Variants in SEPTIN10 observed in about 807,000 individuals in gnomAD.
SEPTIN10 encodes septin 10, also known as septin-10.
Under a neutral mutation model 54.8 loss-of-function variants are expected in SEPTIN10, and 66 were observed. The ratio of observed to expected loss-of-function variants is 1.21; its 90% CI spans 0.99 to 1.48. The LOEUF is 1.48. Ranked by LOEUF, SEPTIN10 falls within the 40% of genes most tolerant of loss-of-function variation. The pLI, the probability that SEPTIN10 is intolerant of heterozygous loss-of-function variation, is 0.00. For synonymous variants in SEPTIN10, 161 were observed against 181.0 expected (o/e 0.89, Z 0.89); for missense variants, 620 against 545.6 (o/e 1.14, Z -1.36).
intron 4 of SEPTIN10, among the ~76,000 whole-genome samples, chr2:109,584,074 C>T (rs1691866056): frequency 6.6e-6 from 1 of 152,016 alleles, no homozygotes; most frequent in Non-Finnish European, 1.5e-5. Context: ...TCACTTGTAC[C>T]CCAAACCTCA....
Position 109,564,463 on chromosome 2 carries a change from G to C in SEPTIN10, c.931C>G (p.Arg311Gly). 6.3e-7 allele frequency: 1 copy of C among 1,591,658 alleles called. No homozygotes were observed. The highest frequency in any genetic ancestry group is 8.6e-7 in the Non-Finnish European group (1 of 1,166,076). The change falls in exon 8 of 11, where the codon CGA (arginine) becomes GGA (glycine). Residue 311 changes from arginine (R) to glycine (G), a missense_variant. Coordinates refer to ENST00000397712, the MANE Select transcript of SEPTIN10 (RefSeq NM_144710.5). The stretch of plus-strand genomic sequence containing the variant: ...TAGTGCCTGGTATGGGTCTGCTCTC[G>C]CAGGTCCTCCATATTTGTACAAATG... ...MLICTNMEDLREQTHTRHYEL... is the reference protein window; with the variant it reads ...MLICTNMEDLGEQTHTRHYEL...
In SEPTIN10 at chr2:109,567,692, A is replaced by G; in HGVS notation, c.762+123T>C. 6 of 1,014,980 alleles carry G rather than the reference A, an allele frequency of 5.9e-6. No homozygotes were observed. The South Asian group carries it at 1.6e-4, about 27-fold the overall frequency. 62.9% of individuals were successfully genotyped at this position (1,014,980 alleles called of 1,614,324 possible). ...TTTTCTCATACTGGACTTTTTGAAAATTCACCTTGTTTGAAGTCTTTTTGG... is the reference window on the plus strand; with the variant it reads ...TTTTCTCATACTGGACTTTTTGAAAGTTCACCTTGTTTGAAGTCTTTTTGG... On this transcript the variant is annotated intron_variant, in intron 6 of 10. Transcript: ENST00000397712.
At chr2:109,568,679 CA>C (rs1222784930) in intron 5 of SEPTIN10, among the ~76,000 whole-genome samples, 2 of 142,344 alleles carry the variant, frequency 1.4e-5, no homozygotes, top group Non-Finnish European at 3.1e-5. Context: ...TGCCTCAATT[CA>C]CTAAGAATTT....
chr2:109,599,230 G>A (rs893933209), intron 1 of SEPTIN10, among the ~76,000 whole-genome samples: 8 of 152,138 alleles, frequency 5.3e-5, no homozygotes, highest in East Asian at 1.9e-4. Context: ...GGCCAAGACC[G>A]GTGGATCACT....
intron 9 of SEPTIN10, among the ~76,000 whole-genome samples, chr2:109,546,645 A>G (rs1246297285): frequency 6.6e-6 from 1 of 152,194 alleles, no homozygotes; most frequent in Non-Finnish European, 1.5e-5. Flanking sequence ...TCCAAATAAA[A>G]TATATGCAGT....
At chr2:109,561,366 ACTGT>A (rs944026076) in intron 8 of SEPTIN10, among the ~76,000 whole-genome samples, 2 of 151,956 alleles carry the variant, frequency 1.3e-5, no homozygotes, top group African/African-American at 4.8e-5. Flanking sequence ...CCCATTTTAC[ACTGT>A]CTGCCTCTCC....
intron 5 of SEPTIN10, among the ~76,000 whole-genome samples, chr2:109,572,360 C>T (rs1688602168): frequency 6.6e-6 from 1 of 152,172 alleles, no homozygotes. Flanking sequence ...GTCTCGATCT[C>T]CTGACCTTGT....
intron 2 of SEPTIN10, among the ~76,000 whole-genome samples, chr2:109,591,258 A>G (rs1225291841): frequency 6.6e-6 from 1 of 152,214 alleles, no homozygotes; most frequent in East Asian, 1.9e-4. Flanking sequence ...TGCTTATTAC[A>G]TAAAAGTTGA....
At chr2:109,577,529 T>A (rs1007643296) in intron 4 of SEPTIN10, among the ~76,000 whole-genome samples, 2 of 150,410 alleles carry the variant, frequency 1.3e-5, no homozygotes, top group Non-Finnish European at 3.0e-5. Context: ...GAGGTGGAGG[T>A]TGCAGTGAGC....
rs1398160080 is a variant in SEPTIN10 at position 109,546,085 on chromosome 2, T to G, written c.1314A>C (p.Thr438=). ...CCTTGTCCTTCCTCAGGTTGCTGCCTGTTGCCAGAAAGGACTGGCTGTGAA... is the reference window on the plus strand; with the variant it reads ...CCTTGTCCTTCCTCAGGTTGCTGCCGGTTGCCAGAAAGGACTGGCTGTGAA... ...EIFHSQSFLA[T]GSNLRKDKDR... Residue 438 remains threonine, a synonymous_variant, in exon 10 of 11, where the codon ACA becomes ACC. Transcript: ENST00000397712. 1.3e-5 allele frequency: 21 copies of G among 1,603,260 alleles called. No individual in the cohort carries two copies. The highest frequency in any genetic ancestry group is 1.8e-5 in the Non-Finnish European group (21 of 1,176,080).
chr2:109,558,096 A>G (rs1684801896), intron 8 of SEPTIN10, among the ~76,000 whole-genome samples: 5 of 152,180 alleles, frequency 3.3e-5, no homozygotes. Flanking sequence ...CTGGCCTGAC[A>G]TGAATATTTA....
At chr2:109,587,907 C>T (rs1692956788) in intron 2 of SEPTIN10, among the ~76,000 whole-genome samples, 1 of 147,966 alleles carries the variant, frequency 6.8e-6, no homozygotes, top group Admixed American at 6.7e-5. Flanking sequence ...AGCAAGACTC[C>T]ATCTCCAAAA....
At chr2:109,603,259 C>T (rs1697068733) in intron 1 of SEPTIN10, among the ~76,000 whole-genome samples, 1 of 150,370 alleles carries the variant, frequency 6.7e-6, no homozygotes, top group Non-Finnish European at 1.5e-5. Context: ...TTTTTTGAGA[C>T]AGTCTCACTG....
At chr2:109,606,427 TAAAAAA>T (rs1265564471) in intron 1 of SEPTIN10, among the ~76,000 whole-genome samples, 3 of 151,820 alleles carry the variant, frequency 2.0e-5, no homozygotes, top group Non-Finnish European at 4.4e-5. Flanking sequence ...AAACAAAAAA[TAAAAAA>T]TAAAATGTGA....
chr2:109,554,390 T>TATTC (rs1473182948), intron 8 of SEPTIN10, among the ~76,000 whole-genome samples: 1 of 152,224 alleles, frequency 6.6e-6, no homozygotes, highest in Non-Finnish European at 1.5e-5. Flanking sequence ...CAATAATATG[T>TATTC]ATTCATTCAT....
At chr2:109,602,056 A>C (rs538550650) in intron 1 of SEPTIN10, among the ~76,000 whole-genome samples, 19 of 152,296 alleles carry the variant, frequency 1.2e-4, no homozygotes, top group Admixed American at 1.2e-3. Flanking sequence ...TAACAGAGAA[A>C]TGAGCTGCCT....
At position 109,592,991 on chromosome 2, in the gene SEPTIN10, T is replaced by C. The variant is rs959710660; in HGVS notation, c.99+60A>G. On this transcript the variant is annotated intron_variant, in intron 2 of 10. Coordinates refer to ENST00000397712, the MANE Select transcript of SEPTIN10 (RefSeq NM_144710.5). ...AGTCTATAAGCACTCCAAGTAGTTA[T>C]TTTAAAATCATAGAAGCATTTAGAG... The C allele has an allele frequency of 3.3e-6, 4 of 1,198,998 alleles. No individual in the cohort carries two copies. Among genetic ancestry groups the C allele is most frequent in the East Asian group, 2.6e-5 (1 of 38,390 alleles). The allele number at this position is 1,198,998 out of a possible 1,614,324, so 74.3% of individuals were successfully genotyped here.
chr2:109,559,416 CTGAG>C (rs982094398), intron 8 of SEPTIN10, among the ~76,000 whole-genome samples: 3 of 152,130 alleles, frequency 2.0e-5, no homozygotes, highest in South Asian at 2.1e-4. Context: ...CCTAAACTTA[CTGAG>C]TTTCTTCCAG....
chr2:109,579,034 T>A (rs1005503747), intron 4 of SEPTIN10, among the ~76,000 whole-genome samples: 1 of 152,110 alleles, frequency 6.6e-6, no homozygotes, highest in African/African-American at 2.4e-5. Context: ...CAACACTTTG[T>A]CAAGACTAAT....
Sources: allele counts gnomAD v4.1 joint callset (sites outside exome capture counted in the v4.1 genomes callset), GRCh38; gene constraint gnomAD v4.1.1; transcripts MANE v1.5; gene names NCBI Gene and HGNC (gene_info 2026-07-23, HGNC 2026-07-21).